The following ACSM3 variants were observed in gnomAD, a reference collection of about 807,000 sequenced individuals.
The protein encoded by ACSM3 is acyl-coenzyme A synthetase ACSM3, mitochondrial.
Under a neutral mutation model 74.1 loss-of-function variants are expected in ACSM3, and 61 were observed. That is an observed-to-expected ratio of 0.82 (90% CI 0.67 to 1.02). The LOEUF is 1.02. ACSM3 is among the 50% of genes least tolerant of loss of function. The pLI is 0.00. For synonymous variants in ACSM3, 213 were observed against 241.5 expected (o/e 0.88, Z 1.09); for missense variants, 660 against 697.0 (o/e 0.95, Z 0.60).
chr16:20,705,200 G>A (rs1261022400), intron 1 of ACSM3, among the ~76,000 whole-genome samples: 2 of 152,094 alleles, frequency 1.3e-5, no homozygotes, highest in South Asian at 2.1e-4. Context: ...CTGAAACCCC[G>A]TCTCTACTGA....
intron 7 of ACSM3, chr16:20,783,335 G>A (rs1043860079): frequency 6.6e-6 from 1 of 152,196 alleles, no homozygotes; most frequent in Non-Finnish European, 1.5e-5. Flanking sequence ...AGTACAGGTT[G>A]AGTATCCCTT....
Position 20,685,295 on chromosome 16 carries a change from C to T in ACSM3, c.-190+10473C>T, listed in dbSNP as rs145295167. ...TGTAGGCCACAGGTCTGTGTGAAGA[C>T]GTTGGCTACACGGCGGGTTAGGTCT... On this transcript the variant is annotated intron_variant, in intron 1 of 3. Coordinates refer to the ACSM3 transcript ENST00000561584. 1.2e-4 allele frequency: 201 copies of T among 1,614,228 alleles called. 2 individuals carry two copies. In the African/African-American group the frequency reaches 2.1e-3, roughly 16 times the overall value.
At chr16:20,735,795 G>C (rs1208921791) in intron 1 of ACSM3, 2 of 152,182 alleles carry the variant, frequency 1.3e-5, no homozygotes, top group African/African-American at 4.8e-5. Context: ...TTCAGTTAAT[G>C]ACACAAAACC....
chr16:20,780,947 CA>C, intron 5 of ACSM3, 26 bp from the exon 6 acceptor site: 1 of 1,613,660 alleles, frequency 6.2e-7, no homozygotes, highest in Non-Finnish European at 8.5e-7. Context: ...TTCCTATGTA[CA>C]TCAGGGCTAC....
intron 4 of ACSM3, among the ~76,000 whole-genome samples, chr16:20,778,878 G>A (rs2080293069): frequency 6.6e-6 from 1 of 152,074 alleles, no homozygotes; most frequent in Admixed American, 6.6e-5. Context: ...AGCCTTCCAA[G>A]TAGTTGGGAT....
At chr16:20,741,632 G>A (rs2079925548) in intron 1 of ACSM3, 2 of 1,579,060 alleles carry the variant, frequency 1.3e-6, no homozygotes, top group African/African-American at 1.3e-5. Context: ...CTAGCTGACG[G>A]GGCCCGCCAG....
At chr16:20,742,011 T>TC in intron 1 of ACSM3, 1 of 1,480,880 alleles carries the variant, frequency 6.8e-7, no homozygotes. Context: ...GGAAGTGGTG[T>TC]CGGTGGCTCC....
intron 1 of ACSM3, among the ~76,000 whole-genome samples, chr16:20,704,265 A>C (rs900562204): frequency 1.3e-5 from 2 of 152,216 alleles, no homozygotes; most frequent in Admixed American, 6.5e-5. Flanking sequence ...ATGTAATCTA[A>C]AACCTTATGT....
chr16:20,796,291 C>T, intron 12 of ACSM3, 79 bp from the exon 13 acceptor site: 1 of 1,554,694 alleles, frequency 6.4e-7, no homozygotes, highest in Non-Finnish European at 8.7e-7. Context: ...CATGTAGATT[C>T]TCAGAGCAAG....
At chr16:20,741,508 C>A in intron 1 of ACSM3, 1 of 1,452,776 alleles carries the variant, frequency 6.9e-7, no homozygotes. Context: ...GGGACCGGTA[C>A]CTTTTCTGGC....
chr16:20,675,543 A>G (rs1012818404), intron 1 of ACSM3, among the ~76,000 whole-genome samples: 2 of 152,206 alleles, frequency 1.3e-5, no homozygotes, highest in Admixed American at 6.5e-5. Context: ...ATGGGAGGAA[A>G]AGCATGGAAA....
chr16:20,743,649 T>G (rs1346390260), intron 1 of ACSM3: 1 of 152,176 alleles, frequency 6.6e-6, no homozygotes. Context: ...GTCCAAAAAT[T>G]TTATCATCTT....
intron 12 of ACSM3, among the ~76,000 whole-genome samples, chr16:20,794,148 G>A (rs2080667906): frequency 6.6e-6 from 1 of 152,186 alleles, no homozygotes. Flanking sequence ...CTGCTGCCAG[G>A]CCTATTCTAC....
chr16:20,738,215 T>C (rs1162216838), intron 1 of ACSM3: 1 of 518,512 alleles, frequency 1.9e-6, no homozygotes, highest in Non-Finnish European at 3.7e-6. Flanking sequence ...ACACCGTTGT[T>C]AACATTTTTG....
At chr16:20,754,513 C>T (rs2080013498) in intron 2 of ACSM3, among the ~76,000 whole-genome samples, 1 of 152,168 alleles carries the variant, frequency 6.6e-6, no homozygotes, top group South Asian at 2.1e-4. Context: ...GCAAATAAGG[C>T]AATTGTTCAA....
chr16:20,742,062 A>G, intron 1 of ACSM3: 1 of 1,359,430 alleles, frequency 7.4e-7, no homozygotes, highest in Non-Finnish European at 9.5e-7. Context: ...AGCTTCTTCC[A>G]CCCAACCTTG....
intron 1 of ACSM3, among the ~76,000 whole-genome samples, chr16:20,712,774 G>A (rs530884872): frequency 6.6e-5 from 10 of 151,646 alleles, no homozygotes; most frequent in East Asian, 1.9e-4. Flanking sequence ...TTAGCCAGGC[G>A]TGGTGGCAGG....
intron 9 of ACSM3, chr16:20,789,436 G>T: frequency 7.2e-7 from 1 of 1,384,062 alleles, no homozygotes; most frequent in Non-Finnish European, 1.0e-6. Flanking sequence ...GGAATGATGA[G>T]GATTGGAGAG....
At chr16:20,780,616 A>G (rs1444290701) in intron 4 of ACSM3, 98 bp from the exon 5 acceptor site, 1 of 1,610,624 alleles carries the variant, frequency 6.2e-7, no homozygotes, top group Non-Finnish European at 8.5e-7. Flanking sequence ...GATTCATGAC[A>G]TGAAGAGGTT....
Sources: gnomAD v4.1 joint callset for allele counts (sites outside exome capture counted in the v4.1 genomes callset) on GRCh38, gnomAD v4.1.1 for gene constraint, MANE v1.5 for transcripts, NCBI Gene and HGNC (gene_info 2026-07-23, HGNC 2026-07-21) for gene names.